Variants in RALGPS1 observed in about 807,000 individuals in gnomAD.
RALGPS1 encodes the protein Ral GEF with PH domain and SH3 binding motif 1.
In RALGPS1, 19 loss-of-function variants were observed where a neutral mutation model predicts 78.8. The observed-to-expected ratio is 0.24, with a 90% CI of 0.17 to 0.35. RALGPS1 has a LOEUF of 0.35. RALGPS1 is among the 10% of genes least tolerant of loss of function. The probability of loss-of-function intolerance (pLI) is 1.00; values close to 1 mark genes in which losing one functional copy is unlikely to be tolerated. For synonymous variants in RALGPS1, 228 were observed against 256.3 expected, an observed-to-expected ratio of 0.89 and a Z score of 1.06; for missense variants, 454 against 688.3, an observed-to-expected ratio of 0.66 and a Z score of 3.81.
chr9:127,213,278 C>T (rs1315424357), intron 17 of RALGPS1, among the ~76,000 whole-genome samples: 2 of 152,210 alleles, frequency 1.3e-5, no homozygotes, highest in African/African-American at 4.8e-5. Context: ...TTTTTGCAGC[C>T]TTACCTATGG....
chr9:126,967,352 G>T (rs2039613409), intron 3 of RALGPS1, among the ~76,000 whole-genome samples: 1 of 152,092 alleles, frequency 6.6e-6, no homozygotes, highest in African/African-American at 2.4e-5. Context: ...AGGCTCACCT[G>T]CATCCTCTGT....
At chr9:127,057,580 A>G (rs1162108270) in intron 7 of RALGPS1, among the ~76,000 whole-genome samples, 2 of 152,262 alleles carry the variant, frequency 1.3e-5, no homozygotes, top group Non-Finnish European at 2.9e-5. Flanking sequence ...GAAGACTACC[A>G]TAGCTGGCCT....
At chr9:127,178,121 G>A in intron 11 of RALGPS1, 1 of 968,210 alleles carries the variant, frequency 1.0e-6, no homozygotes, top group Non-Finnish European at 1.5e-6. Flanking sequence ...GCTGAGTTCT[G>A]GAGGATGATT....
At chr9:127,035,804 C>T (rs1166988498) in intron 5 of RALGPS1, among the ~76,000 whole-genome samples, 2 of 152,138 alleles carry the variant, frequency 1.3e-5, no homozygotes, top group Non-Finnish European at 2.9e-5. Flanking sequence ...GGAGTAGGGG[C>T]TGCACACTGT....
intron 1 of RALGPS1, among the ~76,000 whole-genome samples, chr9:126,951,064 C>G (rs2037767764): frequency 6.6e-6 from 1 of 152,172 alleles, no homozygotes; most frequent in Non-Finnish European, 1.5e-5. Context: ...ACTAGAAAAT[C>G]TGGAAGAAAT....
chr9:127,161,533 G>A (rs552724114), intron 8 of RALGPS1, among the ~76,000 whole-genome samples: 26 of 152,300 alleles, frequency 1.7e-4, no homozygotes, highest in African/African-American at 5.5e-4. Context: ...GGAAGGACCC[G>A]CAGGACTGGG....
intron 8 of RALGPS1, chr9:127,079,803 C>G (rs2051007906): frequency 1.3e-5 from 2 of 152,266 alleles, no homozygotes; most frequent in South Asian, 4.1e-4. Context: ...TAAGACATGC[C>G]CAAATTCCCA....
At chr9:127,021,542 A>T (rs1042809055) in intron 4 of RALGPS1, among the ~76,000 whole-genome samples, 13 of 150,042 alleles carry the variant, frequency 8.7e-5, no homozygotes, top group Non-Finnish European at 1.6e-4. Context: ...AAAGTTCTTC[A>T]TTGGGCTTCT....
At chr9:127,018,884 G>A (rs1375056440) in intron 4 of RALGPS1, among the ~76,000 whole-genome samples, 2 of 152,090 alleles carry the variant, frequency 1.3e-5, no homozygotes, top group African/African-American at 4.8e-5. Flanking sequence ...GATAGGAATT[G>A]TTAGCTCCAT....
At chr9:127,187,568 A>G (rs960799455) in intron 11 of RALGPS1, among the ~76,000 whole-genome samples, 6 of 152,206 alleles carry the variant, frequency 3.9e-5, no homozygotes, top group Non-Finnish European at 8.8e-5. Flanking sequence ...TATTATTACT[A>G]CCACAACACC....
intron 1 of RALGPS1, among the ~76,000 whole-genome samples, chr9:126,948,160 T>G (rs962930398): frequency 6.6e-6 from 1 of 152,176 alleles, no homozygotes; most frequent in Non-Finnish European, 1.5e-5. Context: ...GACTTGCCTT[T>G]TATATTTTAT....
chr9:127,218,286 A>G lies in RALGPS1; in HGVS notation c.1645-454A>G, dbSNP rs2062679728. Among the ~76,000 whole-genome samples the G allele has an allele frequency of 1.3e-5, 2 of 152,046 alleles. No individual in the cohort carries two copies. The highest frequency in any genetic ancestry group is 2.4e-5 in the African/African-American group (1 of 41,384). ...TATCCCTGAACTGACTCTTTCTCCC[A>G]TGCTTCCCTTTGCCAACTCCAGCCA... On this transcript the variant is annotated intron_variant, in intron 18 of 18. Transcript: ENST00000259351. The surrounding 1 kb of genome is among the most constrained non-coding windows in gnomAD (Gnocchi z 4.4).
chr9:126,937,355 A>G (rs1032113809), intron 1 of RALGPS1, among the ~76,000 whole-genome samples: 2 of 152,206 alleles, frequency 1.3e-5, no homozygotes, highest in African/African-American at 4.8e-5. Context: ...AAACAAGTGC[A>G]CTTAAACATA....
Position 127,218,787 on chromosome 9 carries a change from C to T in RALGPS1, c.*18C>T, listed in dbSNP as rs1216282850. On this transcript the variant is annotated 3_prime_UTR_variant, in exon 19 of 19. Transcript: ENST00000259351. The surrounding 1 kb of genome is among the most constrained non-coding windows in gnomAD (Gnocchi z 4.4). ...TTGAGTAAGTCTCTGCAGGACGTGG[C>T]ATGACTTCAGAGGCTTCTGGGAACC... The T allele has an allele frequency of 6.2e-7, 1 of 1,612,970 alleles. No individual in the cohort carries two copies. The highest frequency in any genetic ancestry group is 1.1e-5 in the South Asian group (1 of 91,078).
intron 8 of RALGPS1, among the ~76,000 whole-genome samples, chr9:127,118,456 G>C (rs530714027): frequency 6.6e-6 from 1 of 152,214 alleles, no homozygotes; most frequent in Non-Finnish European, 1.5e-5. Context: ...TCAATGAATT[G>C]ATTCTTTCTT....
At chr9:127,167,177 C>A (rs2059336281) in intron 9 of RALGPS1, among the ~76,000 whole-genome samples, 1 of 152,190 alleles carries the variant, frequency 6.6e-6, no homozygotes, top group Admixed American at 6.5e-5. Flanking sequence ...AGAAAATCCA[C>A]AGCCTCCGTT....
chr9:127,037,801 C>T (rs1247907285), intron 5 of RALGPS1, among the ~76,000 whole-genome samples: 1 of 152,264 alleles, frequency 6.6e-6, no homozygotes, highest in African/African-American at 2.4e-5. Flanking sequence ...TCAGATTGCC[C>T]TGGCTTGTGG....
Position 127,069,214 on chromosome 9 carries a change from T to G in RALGPS1, c.484-16T>G, listed in dbSNP as rs751622035. On this transcript the variant is annotated splice_polypyrimidine_tract_variant and intron_variant, in intron 7 of 18. Transcript: ENST00000259351. ...TTCTGGTTTACTTATTTTGCTATAT[T>G]TTCTTCTCATTCTAGCTTTTAAATC... 6.9e-6 allele frequency: 11 copies of G among 1,592,224 alleles called. No individual in the cohort carries two copies. The highest frequency in any genetic ancestry group is 8.6e-6 in the Non-Finnish European group (10 of 1,162,306).
chr9:126,988,534 GT>G (rs752706634), intron 4 of RALGPS1, among the ~76,000 whole-genome samples: 20 of 152,350 alleles, frequency 1.3e-4, no homozygotes, highest in Non-Finnish European at 2.8e-4. Context: ...AGCCTCCCAA[GT>G]AGTTGGGACT....
Sources: allele counts gnomAD v4.1 joint callset (sites outside exome capture counted in the v4.1 genomes callset), GRCh38; gene constraint gnomAD v4.1.1; non-coding constraint Gnocchi (gnomAD v3.1); transcripts MANE v1.5; gene names NCBI Gene and HGNC (gene_info 2026-07-23, HGNC 2026-07-21).